The following ARHGAP24 variants were observed in gnomAD, a reference collection of about 807,000 sequenced individuals.
The protein encoded by ARHGAP24 is rho GTPase-activating protein 24.
Under a neutral mutation model 76.4 loss-of-function variants are expected in ARHGAP24, and 50 were observed. The observed-to-expected ratio is 0.65, with a 90% CI of 0.52 to 0.83. The LOEUF is 0.83. ARHGAP24 is among the 40% of genes least tolerant of loss of function. The pLI is 0.00. For synonymous variants in ARHGAP24, 345 were observed against 323.3 expected, an observed-to-expected ratio of 1.07 and a Z score of -0.72; for missense variants, 930 against 914.2, an observed-to-expected ratio of 1.02 and a Z score of -0.22.
chr4:85,939,485 G>T (rs976599638), intron 4 of ARHGAP24, among the ~76,000 whole-genome samples: 1 of 152,134 alleles, frequency 6.6e-6, no homozygotes, highest in Non-Finnish European at 1.5e-5. Flanking sequence ...ATAAAAGGGA[G>T]AATGATAGTT....
chr4:85,871,452 A>C (rs1278031171), intron 3 of ARHGAP24, among the ~76,000 whole-genome samples: 1 of 152,142 alleles, frequency 6.6e-6, no homozygotes, highest in African/African-American at 2.4e-5. Context: ...TTCTTTGACA[A>C]CTGTTTTGTA....
At chr4:85,776,997 G>A (rs1307865206) in intron 3 of ARHGAP24, among the ~76,000 whole-genome samples, 2 of 152,122 alleles carry the variant, frequency 1.3e-5, no homozygotes, top group African/African-American at 4.8e-5. Context: ...TATTAATGTT[G>A]CTTAACCTTT....
intron 1 of ARHGAP24, among the ~76,000 whole-genome samples, chr4:85,522,842 A>G (rs1724838409): frequency 6.6e-6 from 1 of 152,184 alleles, no homozygotes; most frequent in Non-Finnish European, 1.5e-5. Flanking sequence ...ATACGATAAC[A>G]TGATTTGCCC....
intron 8 of ARHGAP24, among the ~76,000 whole-genome samples, chr4:85,983,003 G>A (rs532118502): frequency 6.6e-6 from 1 of 152,182 alleles, no homozygotes; most frequent in South Asian, 2.1e-4. Flanking sequence ...TCCCACTTGT[G>A]AATGAGAACA....
Position 85,517,962 on chromosome 4 carries a change from CA to C in ARHGAP24, c.-21+42404del. On this transcript the variant is annotated intron_variant, in intron 1 of 9. Transcript: ENST00000395184. Reference sequence around the variant, plus strand: ...AGGCAGAAGGGGTGTCACAGGCAAGCACACTGACAACTTTAAGAAGTGACAT... The same window carrying C: ...AGGCAGAAGGGGTGTCACAGGCAAGCCACTGACAACTTTAAGAAGTGACAT... Among the ~76,000 whole-genome samples the C allele has an allele frequency of 2.0e-5, 3 of 152,222 alleles. No homozygotes were observed. The Middle Eastern group carries it at 0.01, about 518-fold the overall frequency.
chr4:85,923,764 G>C lies in ARHGAP24; in HGVS notation c.385G>C (p.Gly129Arg). 1 of 1,613,984 alleles carries C rather than the reference G, an allele frequency of 6.2e-7. No individual in the cohort carries two copies. The highest frequency in any genetic ancestry group is 8.5e-7 in the Non-Finnish European group (1 of 1,179,918). Residue 129 changes from glycine to arginine, a missense_variant, in exon 4 of 10, where the codon GGA becomes CGA. Physicochemically the swap from Gly to Arg is moderately radical, Grantham distance 125. Transcript: ENST00000395184. ...SIRRVIWGPF[G>R]GGIFGQKLED... The stretch of plus-strand genomic sequence containing the variant: ...CCGCCGAGTCATATGGGGACCTTTC[G>C]GAGGAGGTGAGTGTACTTTAAAATC...
At chr4:85,504,816 G>A (rs888612960) in intron 1 of ARHGAP24, among the ~76,000 whole-genome samples, 7 of 152,120 alleles carry the variant, frequency 4.6e-5, no homozygotes, top group Non-Finnish European at 7.4e-5. Context: ...TCATAGCATC[G>A]ATGGTCTTTA....
intron 3 of ARHGAP24, among the ~76,000 whole-genome samples, chr4:85,830,177 T>G (rs1408335247): frequency 6.6e-6 from 1 of 152,258 alleles, no homozygotes; most frequent in African/African-American, 2.4e-5. Context: ...TCTTCTAGAC[T>G]ATAAACTCAC....
At chr4:85,530,451 A>T (rs931597623) in intron 1 of ARHGAP24, among the ~76,000 whole-genome samples, 6 of 151,966 alleles carry the variant, frequency 3.9e-5, no homozygotes, top group African/African-American at 1.4e-4. Flanking sequence ...CTTACTTTGG[A>T]GGTCTTCTAG....
At chr4:85,554,494 C>T (rs932049355) in intron 1 of ARHGAP24, among the ~76,000 whole-genome samples, 1 of 151,842 alleles carries the variant, frequency 6.6e-6, no homozygotes, top group African/African-American at 2.4e-5. Flanking sequence ...CGTTTTTATT[C>T]TTTATTTTTT....
intron 3 of ARHGAP24, among the ~76,000 whole-genome samples, chr4:85,885,211 A>G (rs947178689): frequency 2.6e-5 from 4 of 152,118 alleles, no homozygotes; most frequent in Admixed American, 6.6e-5. Flanking sequence ...TAATATTTAC[A>G]TATGTGGTCT....
intron 3 of ARHGAP24, among the ~76,000 whole-genome samples, chr4:85,811,364 G>C (rs189719407): frequency 2.0e-5 from 3 of 152,274 alleles, no homozygotes; most frequent in Non-Finnish European, 4.4e-5. Flanking sequence ...CCAGGTATGA[G>C]TTCACTCCAG....
intron 2 of ARHGAP24, among the ~76,000 whole-genome samples, chr4:85,625,906 T>A (rs1044310668): frequency 4.6e-5 from 7 of 152,160 alleles, no homozygotes; most frequent in Non-Finnish European, 7.4e-5. Flanking sequence ...TGCCTTTTTT[T>A]GTTTTCTATT....
chr4:85,881,703 T>C (rs997280887), intron 3 of ARHGAP24, among the ~76,000 whole-genome samples: 5 of 152,186 alleles, frequency 3.3e-5, no homozygotes, highest in Non-Finnish European at 7.3e-5. Flanking sequence ...CACCTCCAGA[T>C]TCCAGTTTTC....
At chr4:85,957,861 A>G (rs1227020936) in intron 5 of ARHGAP24, among the ~76,000 whole-genome samples, 1 of 152,230 alleles carries the variant, frequency 6.6e-6, no homozygotes. Context: ...TGTAAACTAG[A>G]AATCTGTCAT....
chr4:85,615,627 A>AC (rs2109999349), intron 2 of ARHGAP24, among the ~76,000 whole-genome samples: 1 of 152,284 alleles, frequency 6.6e-6, no homozygotes, highest in East Asian at 1.9e-4. Context: ...GGTAAGAAAA[A>AC]TATTAATTGA....
chr4:85,664,572 T>C (rs1410769624), intron 2 of ARHGAP24, among the ~76,000 whole-genome samples: 2 of 150,748 alleles, frequency 1.3e-5, no homozygotes, highest in Middle Eastern at 3.2e-3. Context: ...ATGTGTTTGC[T>C]CTTGCTTTTC....
chr4:85,891,202 A>C (rs1228412050), intron 3 of ARHGAP24, among the ~76,000 whole-genome samples: 9 of 152,266 alleles, frequency 5.9e-5, no homozygotes, highest in African/African-American at 2.2e-4. Context: ...AGTAAATTTC[A>C]AACAAGATTT....
chr4:85,845,048 G>A (rs914239837), intron 3 of ARHGAP24, among the ~76,000 whole-genome samples: 1 of 152,124 alleles, frequency 6.6e-6, no homozygotes, highest in Non-Finnish European at 1.5e-5. Flanking sequence ...TTAATACTTT[G>A]TAGGATGTGT....
Sources: allele counts gnomAD v4.1 joint callset (sites outside exome capture counted in the v4.1 genomes callset), GRCh38; gene constraint gnomAD v4.1.1; transcripts MANE v1.5; gene names NCBI Gene and HGNC (gene_info 2026-07-23, HGNC 2026-07-21).